SPAG6: variants seen among roughly 807,000 people sequenced by gnomAD.
SPAG6 encodes sperm associated antigen 6.
SPAG6 carries 49 observed loss-of-function variants against 58.5 expected under a neutral mutation model. That is an observed-to-expected ratio of 0.84 (90% CI 0.67 to 1.06). The LOEUF is 1.06. Ranked by LOEUF, SPAG6 falls within the 50% of genes least tolerant of loss-of-function variation. SPAG6 has a pLI of 0.00. For missense variants in SPAG6, 560 were observed against 611.3 expected, an observed-to-expected ratio of 0.92 and a Z score of 0.89; for synonymous variants, 233 against 225.6, an observed-to-expected ratio of 1.03 and a Z score of -0.29.
At chr10:22,385,040 A>ATG (rs1834035987) in intron 4 of SPAG6, among the ~76,000 whole-genome samples, 1 of 152,168 alleles carries the variant, frequency 6.6e-6, no homozygotes, top group South Asian at 2.1e-4. Context: ...AGATATATAT[A>ATG]TTCCAGGTGT....
chr10:22,380,298 T>A (rs1382742048), intron 4 of SPAG6, among the ~76,000 whole-genome samples: 1 of 149,678 alleles, frequency 6.7e-6, no homozygotes, highest in African/African-American at 2.5e-5. Context: ...GTAGGTTTTG[T>A]TTGTTTGTTT....
At chr10:22,381,203 C>T (rs1278294871) in intron 4 of SPAG6, among the ~76,000 whole-genome samples, 6 of 151,994 alleles carry the variant, frequency 3.9e-5, no homozygotes, top group Admixed American at 3.9e-4. Context: ...CAGAAAGCCC[C>T]CCACAGGCTG....
At chr10:22,355,798 A>T (rs901349877) in intron 2 of SPAG6, among the ~76,000 whole-genome samples, 2 of 152,222 alleles carry the variant, frequency 1.3e-5, no homozygotes, top group Admixed American at 6.5e-5. Context: ...AAAGGCTGGG[A>T]GAAACCAAAT....
At chr10:22,379,153 C>T (rs1029228473) in intron 4 of SPAG6, among the ~76,000 whole-genome samples, 2 of 152,088 alleles carry the variant, frequency 1.3e-5, no homozygotes, top group Non-Finnish European at 2.9e-5. Context: ...TGCAAATTCC[C>T]CCTTTATGCT....
intron 8 of SPAG6, among the ~76,000 whole-genome samples, chr10:22,397,633 A>T (rs1834327350): frequency 6.6e-6 from 1 of 152,172 alleles, no homozygotes; most frequent in South Asian, 2.1e-4. Flanking sequence ...TTGTATTTTC[A>T]TGTACAGGTA....
intron 9 of SPAG6, among the ~76,000 whole-genome samples, chr10:22,405,342 A>G (rs1172498947): frequency 6.6e-6 from 1 of 152,226 alleles, no homozygotes. Flanking sequence ...AGTTTTTAAC[A>G]TGAAGAGTTG....
intron 4 of SPAG6, among the ~76,000 whole-genome samples, chr10:22,378,023 G>A (rs2132067935): frequency 6.8e-6 from 1 of 146,240 alleles, no homozygotes; most frequent in South Asian, 2.2e-4. Flanking sequence ...TATTTACGGG[G>A]TACAAGTACA....
intron 8 of SPAG6, among the ~76,000 whole-genome samples, chr10:22,396,141 A>C (rs1361725316): frequency 6.6e-6 from 1 of 152,150 alleles, no homozygotes; most frequent in African/African-American, 2.4e-5. Flanking sequence ...CATGCTTTGA[A>C]ACAAGCAGAT....
intron 2 of SPAG6, among the ~76,000 whole-genome samples, chr10:22,351,373 C>T (rs1176113583): frequency 6.6e-6 from 1 of 152,122 alleles, no homozygotes; most frequent in Non-Finnish European, 1.5e-5. Flanking sequence ...GTTTGTAATC[C>T]ACTGGAAGTT....
In SPAG6 at chr10:22,389,212, T is replaced by C. The variant is rs1489372277; in HGVS notation, c.905T>C (p.Ile302Thr). The change falls in exon 7 of 11, where the codon ATT becomes ACT. Residue 302 changes from isoleucine to threonine, a missense_variant. By Grantham distance (89) the Ile-to-Thr change is moderately conservative. Transcript: ENST00000376624. ...GGGGTTGCTGCCGTGATTGACTGCA[T>C]TGGGTCCTGCAAAGGGAACACACGG... Reference protein sequence around the residue: ...AGGVAAVIDCIGSCKGNTRLP... With the variant: ...AGGVAAVIDCTGSCKGNTRLP... 1.2e-6 allele frequency: 2 copies of C among 1,613,462 alleles called. No homozygotes were observed. The highest frequency in any genetic ancestry group is 2.2e-5 in the East Asian group (1 of 44,870).
intron 8 of SPAG6, 130 bp from the exon 9 acceptor site, chr10:22,401,031 A>G: frequency 1.7e-6 from 1 of 603,360 alleles, no homozygotes; most frequent in South Asian, 2.3e-5. Flanking sequence ...ACAATTTTAA[A>G]AAATGAAACA....
chr10:22,392,118 A>G (rs1206478022), intron 8 of SPAG6, among the ~76,000 whole-genome samples, 198 bp downstream of exon 8: 1 of 152,142 alleles, frequency 6.6e-6, no homozygotes, highest in Non-Finnish European at 1.5e-5. Flanking sequence ...AAAATTCTCT[A>G]TGGGTGCAAA....
At chr10:22,348,576 A>G (rs929531709) in intron 2 of SPAG6, among the ~76,000 whole-genome samples, 21 of 152,344 alleles carry the variant, frequency 1.4e-4, no homozygotes, top group African/African-American at 4.3e-4. Context: ...AATATTTTCC[A>G]TATGGGTATC....
At chr10:22,364,795 T>C in intron 2 of SPAG6, 58 bp from the exon 3 acceptor site, 1 of 1,341,272 alleles carries the variant, frequency 7.5e-7, no homozygotes, top group Non-Finnish European at 1.0e-6. Flanking sequence ...TACTGAATTG[T>C]ATTTTTGCTT....
chr10:22,390,735 G>C (rs1433092622), intron 7 of SPAG6, among the ~76,000 whole-genome samples: 1 of 152,138 alleles, frequency 6.6e-6, no homozygotes, highest in Non-Finnish European at 1.5e-5. Flanking sequence ...GCTTCATTCT[G>C]AAGACAGGTC....
In SPAG6 at chr10:22,389,149, C is replaced by T; in HGVS notation, c.853-11C>T. On this transcript the variant is annotated splice_polypyrimidine_tract_variant and intron_variant, in intron 6 of 10. Transcript: ENST00000376624. ...GGTCCTGGTGATCTAACTCTTGTTC[C>T]CATCGCTTAGCTTTCACAGCTGGTA... The T allele has an allele frequency of 1.2e-6, 2 of 1,612,170 alleles. No individual in the cohort carries two copies. Among genetic ancestry groups the T allele is most frequent in the East Asian group, 4.5e-5 (2 of 44,846 alleles).
rs532434488 is a variant in SPAG6 at position 22,416,774 on chromosome 10, A to G, written c.*86A>G. 16 of 728,534 alleles carry G rather than the reference A, an allele frequency of 2.2e-5. No individual in the cohort carries two copies. The highest frequency in any genetic ancestry group is 6.8e-5 in the South Asian group (4 of 58,452). 45.1% of individuals were successfully genotyped at this position (728,534 alleles called of 1,614,324 possible). ...ATCCTTCTAAATATTTGAACTAAGT[A>G]TATTCTAGATTTATTTAATGGGAAA... On this transcript the variant is annotated 3_prime_UTR_variant, in exon 11 of 11. Transcript: ENST00000376624.
chr10:22,350,904 T>G (rs1355048317), intron 2 of SPAG6, among the ~76,000 whole-genome samples: 1 of 152,238 alleles, frequency 6.6e-6, no homozygotes, highest in Non-Finnish European at 1.5e-5. Flanking sequence ...TAGTAATTGT[T>G]TTCACATCCA....
At chr10:22,346,117 C>T in intron 2 of SPAG6, 1 of 1,426,706 alleles carries the variant, frequency 7.0e-7, no homozygotes, top group Non-Finnish European at 9.3e-7. Context: ...GGACTCTACC[C>T]TAATGAGACC....
Sources: allele counts gnomAD v4.1 joint callset (sites outside exome capture counted in the v4.1 genomes callset), GRCh38; gene constraint gnomAD v4.1.1; transcripts MANE v1.5; gene names NCBI Gene and HGNC (gene_info 2026-07-23, HGNC 2026-07-21).